SDK2: variants seen among roughly 807,000 people sequenced by gnomAD.
SDK2 encodes sidekick cell adhesion molecule 2, also known as protein sidekick-2.
A neutral mutation model predicts 253.9 loss-of-function variants in SDK2; 105 were observed. That is an observed-to-expected ratio of 0.41 (90% CI 0.35 to 0.49). SDK2 has a LOEUF of 0.49. Ranked by LOEUF, SDK2 falls within the 20% of genes least tolerant of loss-of-function variation. The pLI, the probability that SDK2 is intolerant of heterozygous loss-of-function variation, is 0.06. For synonymous variants in SDK2, 1,249 were observed against 1,234.9 expected, an observed-to-expected ratio of 1.01 and a Z score of -0.24; for missense variants, 2,608 against 3,003.0, an observed-to-expected ratio of 0.87 and a Z score of 3.07.
At chr17:73,475,814 C>A (rs1276510172) in intron 2 of SDK2, among the ~76,000 whole-genome samples, 1 of 152,182 alleles carries the variant, frequency 6.6e-6, no homozygotes, top group African/African-American at 2.4e-5. Flanking sequence ...TACAGGCTAC[C>A]AAACCCTTAA....
At chr17:73,460,121 C>A (rs967464180) in intron 3 of SDK2, among the ~76,000 whole-genome samples, 9 of 152,166 alleles carry the variant, frequency 5.9e-5, no homozygotes, top group Admixed American at 4.6e-4. Flanking sequence ...TGCCATGTGA[C>A]TTTTGAGACT....
rs1292282383 is a variant in SDK2, at chr17:73,643,969, T to G, written c.64+56A>C. On this transcript the variant is annotated intron_variant, in intron 1 of 44. Coordinates refer to ENST00000392650, the MANE Select transcript of SDK2 (RefSeq NM_001144952.2). This position sits in a 1 kb window ranked among gnomAD's most constrained non-coding sequence, Gnocchi z 6.9. ...GAGGCCGGCCAGCTCCCGCCGCCCCTCCCCCGCCCACTCTCCCAGCCCCCT... is the reference window on the plus strand; with the variant it reads ...GAGGCCGGCCAGCTCCCGCCGCCCCGCCCCCGCCCACTCTCCCAGCCCCCT... 71 of 383,698 alleles carry G rather than the reference T, an allele frequency of 1.9e-4. No individual in the cohort carries two copies. The highest frequency in any genetic ancestry group is 2.9e-4 in the Non-Finnish European group (59 of 203,406). 23.8% of individuals were successfully genotyped at this position (383,698 alleles called of 1,614,324 possible).
rs2063000032 is a variant in SDK2 at position 73,399,255 on chromosome 17, G to A, written c.3006C>T (p.Ser1002=). ...AGGTCACAGAGCGGGGGCCGATGTTGGAAATGCCCAGGTTGGTGGGGGGCC... is the reference window on the plus strand; with the variant it reads ...AGGTCACAGAGCGGGGGCCGATGTTAGAAATGCCCAGGTTGGTGGGGGGCC... ...LPGPPTNLGI[S]NIGPRSVTLQ... is the part of the protein sequence containing the mutation. Residue 1002 remains serine (S), a synonymous_variant, in exon 22 of 45, where the codon TCC becomes TCT. Transcript: ENST00000392650. 1 of 1,613,670 alleles carries A rather than the reference G, an allele frequency of 6.2e-7. No homozygotes were observed. Among genetic ancestry groups the A allele is most frequent in the African/African-American group, 1.3e-5 (1 of 74,928 alleles).
At position 73,496,006 on chromosome 17, in the gene SDK2, C is replaced by T. The variant is rs1199549959; in HGVS notation, c.224+11432G>A. On this transcript the variant is annotated intron_variant, in intron 2 of 44. Transcript: ENST00000392650. The surrounding 1 kb of genome is among the most constrained non-coding windows in gnomAD (Gnocchi z 4.7). ...AGCTCATGGCCAAATTGGAGTAAATCTCCAAAGGGCTGGAACAGGCAGATA... is the reference window on the plus strand; with the variant it reads ...AGCTCATGGCCAAATTGGAGTAAATTTCCAAAGGGCTGGAACAGGCAGATA... 6.6e-6 allele frequency among the ~76,000 whole-genome samples: 1 copy of T among 152,198 alleles called. No homozygotes were observed. Among genetic ancestry groups the T allele is most frequent in the African/African-American group, 2.4e-5 (1 of 41,448 alleles).
chr17:73,578,979 C>T (rs868699157), intron 1 of SDK2, among the ~76,000 whole-genome samples: 6 of 152,184 alleles, frequency 3.9e-5, no homozygotes, highest in South Asian at 2.1e-4. Flanking sequence ...TCCTCTCCAG[C>T]GTGGTCTCCT....
rs1287715291 is a variant in SDK2 at position 73,570,020 on chromosome 17, A to G, written c.65-62423T>C. ...CACTTACTCTGGGTGAAGGATGAGG[A>G]GCAGGACCTCAGCGCTCTAACTCTT... On this transcript the variant is annotated intron_variant, in intron 1 of 44. Transcript: ENST00000392650. This position sits in a 1 kb window ranked among gnomAD's most constrained non-coding sequence, Gnocchi z 4.2. 2.0e-5 allele frequency among the ~76,000 whole-genome samples: 3 copies of G among 152,076 alleles called. No individual in the cohort carries two copies. Among genetic ancestry groups the G allele is most frequent in the Admixed American group, 1.3e-4 (2 of 15,280 alleles).
At chr17:73,495,529 G>A (rs2063835378) in intron 2 of SDK2, among the ~76,000 whole-genome samples, 1 of 152,180 alleles carries the variant, frequency 6.6e-6, no homozygotes, top group African/African-American at 2.4e-5. Flanking sequence ...CTTCCTCCCA[G>A]GCAGCATAAG....
Position 73,570,763 on chromosome 17 carries a change from G to A in SDK2, c.65-63166C>T, listed in dbSNP as rs2045373955. On this transcript the variant is annotated intron_variant, in intron 1 of 44. Transcript: ENST00000392650. This position sits in a 1 kb window ranked among gnomAD's most constrained non-coding sequence, Gnocchi z 4.2. ...TCAGTCTCTAACACCGGAGCCCTTT[G>A]GAGGGGCCCTCTTCTACCCATTCCT... Among the ~76,000 whole-genome samples, 1 of 152,172 alleles carries A rather than the reference G, an allele frequency of 6.6e-6. No homozygotes were observed. The highest frequency in any genetic ancestry group is 1.5e-5 in the Non-Finnish European group (1 of 68,030).
chr17:73,367,560 T>C (rs2062696410), intron 37 of SDK2, among the ~76,000 whole-genome samples: 1 of 151,686 alleles, frequency 6.6e-6, no homozygotes, highest in South Asian at 2.1e-4. Flanking sequence ...AGTGCAGCAG[T>C]AGCACAATCT....
chr17:73,534,946 G>C lies in SDK2; in HGVS notation c.65-27349C>G, dbSNP rs181211831. Among the ~76,000 whole-genome samples, 2 of 152,270 alleles carry C rather than the reference G, an allele frequency of 1.3e-5. No homozygotes were observed. The highest frequency in any genetic ancestry group is 3.9e-4 in the East Asian group (2 of 5,182). On this transcript the variant is annotated intron_variant, in intron 1 of 44. Coordinates refer to ENST00000392650, the MANE Select transcript of SDK2 (RefSeq NM_001144952.2). The surrounding 1 kb of genome is among the most constrained non-coding windows in gnomAD (Gnocchi z 4.9). ...TAAGGAACCCAGGAGGAGGGAGGCA[G>C]CCTGAAACTCCAAGGGGCAGGTGGG...
chr17:73,558,142 GA>G (rs1175855796), intron 1 of SDK2, among the ~76,000 whole-genome samples: 1 of 152,246 alleles, frequency 6.6e-6, no homozygotes, highest in African/African-American at 2.4e-5. Context: ...GCTGAGGCAG[GA>G]GGGGTGCAGG....
At chr17:73,384,814 T>TCAAAA (rs1207555514) in intron 32 of SDK2, among the ~76,000 whole-genome samples, 2 of 152,096 alleles carry the variant, frequency 1.3e-5, no homozygotes, top group African/African-American at 2.4e-5. Context: ...AGACTGTGTC[T>TCAAAA]CAAAACAAAA....
intron 1 of SDK2, among the ~76,000 whole-genome samples, chr17:73,528,420 C>T (rs1349122932): frequency 2.0e-5 from 3 of 152,214 alleles, no homozygotes; most frequent in Admixed American, 6.5e-5. Context: ...GTCCACATGA[C>T]AATCCTCCAA....
At chr17:73,492,161 G>T (rs2063810249) in intron 2 of SDK2, among the ~76,000 whole-genome samples, 1 of 152,146 alleles carries the variant, frequency 6.6e-6, no homozygotes, top group Non-Finnish European at 1.5e-5. Flanking sequence ...ACCAAGCCCA[G>T]CCCAAGCCGA....
chr17:73,415,071 G>A (rs1231433044), intron 17 of SDK2, among the ~76,000 whole-genome samples: 1 of 151,032 alleles, frequency 6.6e-6, no homozygotes, highest in Non-Finnish European at 1.5e-5. Flanking sequence ...TACTTAACAT[G>A]AAATTCACAG....
intron 37 of SDK2, among the ~76,000 whole-genome samples, chr17:73,366,516 CA>C (rs1474160129): frequency 1.3e-5 from 2 of 152,160 alleles, no homozygotes; most frequent in Non-Finnish European, 2.9e-5. Context: ...TTAAAAGCCA[CA>C]TGTCACTGAC....
intron 1 of SDK2, among the ~76,000 whole-genome samples, chr17:73,607,497 A>G (rs2045922463): frequency 6.6e-6 from 1 of 152,120 alleles, no homozygotes. Context: ...GAGCTCATGA[A>G]AAAAAGCAAA....
chr17:73,617,024 T>G (rs2046067019), intron 1 of SDK2, among the ~76,000 whole-genome samples: 1 of 151,814 alleles, frequency 6.6e-6, no homozygotes, highest in South Asian at 2.1e-4. Flanking sequence ...ATTGAATGAA[T>G]GAAGGAATGG....
intron 44 of SDK2, among the ~76,000 whole-genome samples, chr17:73,340,218 C>G (rs1049574906): frequency 1.3e-5 from 2 of 152,214 alleles, no homozygotes; most frequent in African/African-American, 4.8e-5. Flanking sequence ...GAAAGTGAAC[C>G]ATTCTAAAGT....
Sources: gnomAD v4.1 joint callset for allele counts (sites outside exome capture counted in the v4.1 genomes callset) on GRCh38, gnomAD v4.1.1 for gene constraint, Gnocchi (gnomAD v3.1) non-coding constraint, MANE v1.5 for transcripts, NCBI Gene and HGNC (gene_info 2026-07-23, HGNC 2026-07-21) for gene names.